Variants in CFAP70 observed in about 807,000 individuals in gnomAD.
CFAP70 encodes the protein cilia- and flagella-associated protein 70.
A neutral mutation model predicts 137.6 loss-of-function variants in CFAP70; 81 were observed. The observed-to-expected ratio is 0.59, with a 90% CI of 0.49 to 0.71. The LOEUF (loss-of-function observed/expected upper bound fraction) is 0.71, where lower values mean the gene tolerates loss of function less well. Among genes scored for constraint, CFAP70 ranks in the 30% least tolerant of loss-of-function variants. The probability of loss-of-function intolerance (pLI) is 0.00; values close to 1 mark genes in which losing one functional copy is unlikely to be tolerated. For missense variants in CFAP70, 976 were observed against 1,226.7 expected (o/e 0.80, Z 3.05); for synonymous variants, 382 against 423.6 (o/e 0.90, Z 1.20).
At chr10:73,313,492 A>G (rs2132112744) in intron 9 of CFAP70, among the ~76,000 whole-genome samples, 1 of 149,028 alleles carries the variant, frequency 6.7e-6, no homozygotes, top group Non-Finnish European at 1.5e-5. Flanking sequence ...ACAGTGAGCC[A>G]TGACTACACC....
At chr10:73,310,131 A>T (rs2132080404) in intron 12 of CFAP70, 27 bp downstream of exon 13, 1 of 1,490,746 alleles carries the variant, frequency 6.7e-7, no homozygotes. Flanking sequence ...ATTGTACAAA[A>T]CTAGTATAAG....
At chr10:73,288,190 C>A (rs2047892673) in intron 19 of CFAP70, among the ~76,000 whole-genome samples, 1 of 152,102 alleles carries the variant, frequency 6.6e-6, no homozygotes, top group Non-Finnish European at 1.5e-5. Context: ...AGCCACCGTG[C>A]CCGGCCAAAC....
chr10:73,337,089 T>A (rs781406496), intron 6 of CFAP70, among the ~76,000 whole-genome samples: 4 of 152,214 alleles, frequency 2.6e-5, no homozygotes, highest in Non-Finnish European at 5.9e-5. Flanking sequence ...GTATGTACTC[T>A]TTACATTTGT....
Position 73,292,031 on chromosome 10 carries a change from C to A in CFAP70, c.1771-17G>T, listed in dbSNP as rs766597543. On this transcript the variant is annotated splice_polypyrimidine_tract_variant and intron_variant, in intron 16 of 26. Transcript: ENST00000310715. ...GACCAATCTCTAAGCATCAGGAGAG[C>A]CAAGGTTATTGTGATACTATGTCCT... The A allele has an allele frequency of 1.2e-6, 2 of 1,613,224 alleles. No individual in the cohort carries two copies. Among genetic ancestry groups the A allele is most frequent in the Non-Finnish European group, 1.7e-6 (2 of 1,179,650 alleles).
intron 8 of CFAP70, among the ~76,000 whole-genome samples, chr10:73,325,928 C>T (rs1289258376): frequency 9.9e-5 from 15 of 152,188 alleles, no homozygotes; most frequent in East Asian, 1.9e-4. Context: ...GACAGATCAA[C>T]GAGACAGAAA....
intron 12 of CFAP70, among the ~76,000 whole-genome samples, chr10:73,301,631 G>A (rs1215190767): frequency 2.0e-5 from 3 of 152,122 alleles, no homozygotes; most frequent in African/African-American, 7.2e-5. Flanking sequence ...GAGAGGAAAA[G>A]GAGAATGACT....
At chr10:73,332,627 T>A (rs892367499) in intron 7 of CFAP70, among the ~76,000 whole-genome samples, 1 of 152,170 alleles carries the variant, frequency 6.6e-6, no homozygotes, top group South Asian at 2.1e-4. Flanking sequence ...AGAGTTTCAA[T>A]ATAATAACAA....
intron 1 of CFAP70, among the ~76,000 whole-genome samples, chr10:73,356,051 C>T (rs545893353): frequency 3.3e-5 from 5 of 152,146 alleles, no homozygotes; most frequent in Non-Finnish European, 5.9e-5. Context: ...AGGAAAGAAG[C>T]AGCCACACAA....
chr10:73,346,834 A>G (rs1268184708), intron 4 of CFAP70: 1 of 152,216 alleles, frequency 6.6e-6, no homozygotes, highest in East Asian at 1.9e-4. Flanking sequence ...ATAACTAATT[A>G]TTTGGCTGGG....
intron 12 of CFAP70, among the ~76,000 whole-genome samples, chr10:73,308,419 A>G (rs12260676): frequency 0.15 from 23,183 of 152,076 alleles, 2,876 homozygotes; most frequent in African/African-American, 0.32. Context: ...ACCTGAGGTC[A>G]GGAGTTCGAG....
At chr10:73,313,105 G>A (rs528815295) in intron 9 of CFAP70, among the ~76,000 whole-genome samples, 1 of 152,216 alleles carries the variant, frequency 6.6e-6, no homozygotes, top group Admixed American at 6.5e-5. Context: ...GGGCGTGGTG[G>A]CTCATGCCTG....
At chr10:73,285,725 C>G (rs937936187) in intron 19 of CFAP70, among the ~76,000 whole-genome samples, 17 of 150,680 alleles carry the variant, frequency 1.1e-4, no homozygotes, top group African/African-American at 3.9e-4. Context: ...ACCTTTGTCT[C>G]CTGGGTTCAA....
intron 12 of CFAP70, among the ~76,000 whole-genome samples, chr10:73,300,197 C>A (rs12258704): frequency 0.11 from 16,087 of 152,116 alleles, 1,224 homozygotes; most frequent in East Asian, 0.3. Context: ...GAGTAAAAAA[C>A]CACATTTTGT....
intron 19 of CFAP70, among the ~76,000 whole-genome samples, chr10:73,282,380 A>C (rs75680205): frequency 0.011 from 1,679 of 152,272 alleles, 19 homozygotes; most frequent in African/African-American, 0.023. Flanking sequence ...CACACACAAA[A>C]AAAAAAACTA....
At chr10:73,350,013 T>C (rs1396443079) in intron 3 of CFAP70, among the ~76,000 whole-genome samples, 3 of 152,220 alleles carry the variant, frequency 2.0e-5, no homozygotes, top group Admixed American at 6.5e-5. Context: ...TCACCTAGTG[T>C]CCAGTTTATA....
At position 73,269,734 on chromosome 10, in the gene CFAP70, CAT is replaced by C. The variant is rs753372393; in HGVS notation, c.2926-21_2926-20del. 10 of 1,543,678 alleles carry C rather than the reference CAT, an allele frequency of 6.5e-6. 1 individual carries two copies. Among genetic ancestry groups the C allele is most frequent in the Middle Eastern group, 3.4e-4 (2 of 5,922 alleles). ...CCTCCAGCTTGACAGAAAAATGAGA[CAT>C]GTGAGTTAGCTTAGCTGAAACCACT... is the stretch of plus-strand genomic sequence containing the variant. On this transcript the variant is annotated intron_variant, in intron 24 of 26. Coordinates refer to ENST00000310715, the Ensembl canonical transcript of CFAP70.
chr10:73,317,743 T>C (rs775083999), intron 9 of CFAP70, among the ~76,000 whole-genome samples: 1 of 152,054 alleles, frequency 6.6e-6, no homozygotes, highest in Non-Finnish European at 1.5e-5. Context: ...AGAAATCTCA[T>C]GTTAAAATGT....
At chr10:73,349,202 T>C (rs545957187) in intron 3 of CFAP70, among the ~76,000 whole-genome samples, 2 of 152,238 alleles carry the variant, frequency 1.3e-5, no homozygotes, top group African/African-American at 4.8e-5. Flanking sequence ...TGCCCATCAA[T>C]TGATCTTAAG....
chr10:73,318,010 A>G (rs1234973022), intron 9 of CFAP70, among the ~76,000 whole-genome samples: 1 of 152,166 alleles, frequency 6.6e-6, no homozygotes, highest in African/African-American at 2.4e-5. Context: ...ACCATGTGAC[A>G]TGCCTGCTTC....
Sources: gnomAD v4.1 joint callset for allele counts (sites outside exome capture counted in the v4.1 genomes callset) on GRCh38, gnomAD v4.1.1 for gene constraint, MANE v1.5 for transcripts, NCBI Gene and HGNC (gene_info 2026-07-23, HGNC 2026-07-21) for gene names.